Variants in CCDC7 observed in about 807,000 individuals in gnomAD.
The protein encoded by CCDC7 is coiled-coil domain-containing protein 7.
A neutral mutation model predicts 196.9 loss-of-function variants in CCDC7; 183 were observed. The observed-to-expected ratio is 0.93, with a 90% CI of 0.82 to 1.05. The LOEUF (loss-of-function observed/expected upper bound fraction) is 1.05, where lower values mean the gene tolerates loss of function less well. Among genes scored for constraint, CCDC7 ranks in the 50% least tolerant of loss-of-function variants. CCDC7 has a pLI of 0.00. For synonymous variants in CCDC7, 525 were observed against 484.6 expected, an observed-to-expected ratio of 1.08 and a Z score of -1.10; for missense variants, 1,540 against 1,482.2, an observed-to-expected ratio of 1.04 and a Z score of -0.64.
intron 18 of CCDC7, among the ~76,000 whole-genome samples, chr10:32,608,588 C>T (rs968032977): frequency 1.1e-4 from 16 of 151,916 alleles, no homozygotes; most frequent in Non-Finnish European, 7.4e-5. Flanking sequence ...GTTGCCCAGG[C>T]GGTGTGCAGT....
chr10:32,555,601 A>G (rs1050185075), intron 13 of CCDC7, among the ~76,000 whole-genome samples: 10 of 152,194 alleles, frequency 6.6e-5, no homozygotes, highest in African/African-American at 2.4e-4. Context: ...AGGCCAGTCC[A>G]TATTCATAGG....
At chr10:32,831,772 G>T (rs765680953) in intron 32 of CCDC7, among the ~76,000 whole-genome samples, 1 of 152,110 alleles carries the variant, frequency 6.6e-6, no homozygotes, top group Non-Finnish European at 1.5e-5. Context: ...CTATGATAAC[G>T]ATGCCTTCTT....
At chr10:32,831,732 G>A (rs2092198147) in intron 32 of CCDC7, among the ~76,000 whole-genome samples, 1 of 152,042 alleles carries the variant, frequency 6.6e-6, no homozygotes, top group Non-Finnish European at 1.5e-5. Context: ...AAGTCTTCAG[G>A]GAAAGTAACA....
chr10:32,614,405 A>G (rs935336682), intron 18 of CCDC7, among the ~76,000 whole-genome samples: 3 of 152,016 alleles, frequency 2.0e-5, no homozygotes, highest in Non-Finnish European at 4.4e-5. Flanking sequence ...CTAACTTGCC[A>G]GTCTGTGTCT....
At position 32,845,898 on chromosome 10, in the gene CCDC7, AG is replaced by A; in HGVS notation, c.3544del (p.Asp1182MetfsTer7). The stretch of plus-strand genomic sequence containing the variant: ...TAGAGACTGATAAGGAATTCTTGGC[AG>A]ATGCTATTGGAAGAGGTATAATAAT... On this transcript the variant is annotated frameshift_variant, in exon 36 of 42. Transcript: ENST00000639629. LOFTEE classifies it high-confidence loss of function. The A allele has an allele frequency of 6.2e-7, 1 of 1,611,868 alleles. No individual in the cohort carries two copies. The highest frequency in any genetic ancestry group is 8.5e-7 in the Non-Finnish European group (1 of 1,178,298).
intron 29 of CCDC7, among the ~76,000 whole-genome samples, chr10:32,803,746 T>G (rs912462887): frequency 2.0e-5 from 3 of 152,170 alleles, no homozygotes; most frequent in Non-Finnish European, 4.4e-5. Flanking sequence ...AGATTGTTAT[T>G]GATAGATAAG....
intron 28 of CCDC7, among the ~76,000 whole-genome samples, chr10:32,756,005 C>T (rs1452210369): frequency 6.6e-6 from 1 of 152,028 alleles, no homozygotes; most frequent in South Asian, 2.1e-4. Context: ...GAAAGGGTAT[C>T]AGTGATCGAA....
chr10:32,564,104 C>T (rs2056328126), intron 13 of CCDC7, among the ~76,000 whole-genome samples: 1 of 152,090 alleles, frequency 6.6e-6, no homozygotes, highest in Admixed American at 6.5e-5. Context: ...CAATGAGATA[C>T]CATCTCACAC....
intron 18 of CCDC7, among the ~76,000 whole-genome samples, chr10:32,604,909 TTTTA>T (rs1410123039): frequency 2.6e-5 from 4 of 152,290 alleles, no homozygotes; most frequent in South Asian, 2.1e-4. Flanking sequence ...TTTGGATGCC[TTTTA>T]TTTCTTTCTC....
chr10:32,718,582 T>C (rs757429662), intron 25 of CCDC7, among the ~76,000 whole-genome samples: 2 of 152,176 alleles, frequency 1.3e-5, no homozygotes, highest in Non-Finnish European at 2.9e-5. Context: ...GAAGTCAAAT[T>C]GTCTCTGTTT....
intron 18 of CCDC7, among the ~76,000 whole-genome samples, chr10:32,591,162 G>T (rs945716910): frequency 4.0e-5 from 6 of 151,598 alleles, no homozygotes; most frequent in African/African-American, 7.3e-5. Flanking sequence ...TGCCTTTTTG[G>T]ACTTTGCAGC....
intron 13 of CCDC7, among the ~76,000 whole-genome samples, chr10:32,551,240 G>A (rs111365575): frequency 0.13 from 20,347 of 152,022 alleles, 1,614 homozygotes; most frequent in African/African-American, 0.22. Context: ...GGTGTCAGTT[G>A]TAATATCTCC....
chr10:32,574,485 G>T, intron 16 of CCDC7: 1 of 1,573,260 alleles, frequency 6.4e-7, no homozygotes, highest in Non-Finnish European at 8.6e-7. Context: ...TCAGAGAGTG[G>T]ATGGGAGCGA....
At chr10:32,458,477 G>T (rs61855996) in intron 3 of CCDC7, among the ~76,000 whole-genome samples, 2 of 8,690 alleles carry the variant, frequency 2.3e-4, no homozygotes, top group African/African-American at 4.2e-4. Context: ...GTGTGTGTGT[G>T]TGTGCTTTTT....
intron 21 of CCDC7, among the ~76,000 whole-genome samples, chr10:32,681,877 T>C (rs922830034): frequency 2.6e-5 from 4 of 152,046 alleles, no homozygotes; most frequent in African/African-American, 9.7e-5. Flanking sequence ...GCAAATCTCT[T>C]GGACACCTTA....
At chr10:32,690,923 G>A (rs991708951) in intron 23 of CCDC7, among the ~76,000 whole-genome samples, 5 of 152,186 alleles carry the variant, frequency 3.3e-5, no homozygotes, top group African/African-American at 1.2e-4. Flanking sequence ...TTGACCAAGG[G>A]TCATTTTGGT....
chr10:32,697,164 G>C (rs1376378946), intron 24 of CCDC7, among the ~76,000 whole-genome samples: 1 of 152,208 alleles, frequency 6.6e-6, no homozygotes, highest in Non-Finnish European at 1.5e-5. Flanking sequence ...GACAGTGACA[G>C]ATCATCAGGC....
At chr10:32,478,336 G>A (rs2039372792) in intron 8 of CCDC7, among the ~76,000 whole-genome samples, 1 of 152,138 alleles carries the variant, frequency 6.6e-6, no homozygotes, top group Non-Finnish European at 1.5e-5. Context: ...AGGACTTCCA[G>A]TATGATGTTA....
At chr10:32,618,200 T>C (rs72795569) in intron 18 of CCDC7, among the ~76,000 whole-genome samples, 13,534 of 152,008 alleles carry the variant, frequency 0.089, 859 homozygotes, top group East Asian at 0.33. Flanking sequence ...CCAATCTCTA[T>C]CTTTTAAGTG....
Sources: allele counts gnomAD v4.1 joint callset (sites outside exome capture counted in the v4.1 genomes callset), GRCh38; gene constraint gnomAD v4.1.1; transcripts MANE v1.5; gene names NCBI Gene and HGNC (gene_info 2026-07-23, HGNC 2026-07-21).